The following EYA1 variants were observed in gnomAD, a reference collection of about 807,000 sequenced individuals.
The protein encoded by EYA1 is EYA transcriptional coactivator and phosphatase 1.
A neutral mutation model predicts 82.0 loss-of-function variants in EYA1; 16 were observed. The ratio of observed to expected loss-of-function variants is 0.20; its 90% CI spans 0.13 to 0.30. The LOEUF (loss-of-function observed/expected upper bound fraction) is 0.30. Ranked by LOEUF, EYA1 falls within the 10% of genes least tolerant of loss-of-function variation. The pLI, the probability that EYA1 is intolerant of heterozygous loss-of-function variation, is 1.00. For missense variants in EYA1, 633 were observed against 730.7 expected (o/e 0.87, Z 1.54); for synonymous variants, 261 against 264.4 (o/e 0.99, Z 0.12).
In EYA1 at chr8:71,448,025, T is replaced by TTTTTAGGTAACGGAG. The variant is rs935912194; in HGVS notation, c.33+87718_33+87719insCTCCGTTACCTAAAA. On this transcript the variant is annotated intron_variant, in intron 2 of 18. Coordinates refer to the EYA1 transcript ENST00000643681. Reference sequence around the variant, plus strand: ...GTTTAAGAGCTTTTTTTTTTTTTTTTTCTCGCTCCGTTGCCCAGGCTGCAG... The same window carrying TTTTTAGGTAACGGAG: ...GTTTAAGAGCTTTTTTTTTTTTTTTTTTTTAGGTAACGGAGTCTCGCTCCGTTGCCCAGGCTGCAG... Among the ~76,000 whole-genome samples the TTTTTAGGTAACGGAG allele has an allele frequency of 5.1e-5, 6 of 116,736 alleles. 1 individual carries two copies. The highest frequency in any genetic ancestry group is 1.0e-4 in the African/African-American group (3 of 29,216). The allele number at this position is 116,736 out of a possible 152,430, so 76.6% of individuals were successfully genotyped here. A position where few individuals can be genotyped will look rare whatever the true frequency, so the allele number is the denominator to read the frequency against.
chr8:71,201,947 T>C (rs1308177814), intron 17 of EYA1, among the ~76,000 whole-genome samples: 1 of 152,210 alleles, frequency 6.6e-6, no homozygotes, highest in Non-Finnish European at 1.5e-5. Flanking sequence ...GTATTTCTAT[T>C]GATCTTAAGT....
intron 2 of EYA1, among the ~76,000 whole-genome samples, chr8:71,532,393 A>G (rs772619617): frequency 6.6e-6 from 1 of 152,196 alleles, no homozygotes; most frequent in Non-Finnish European, 1.5e-5. Context: ...TCCTCAGCCC[A>G]GAGCTCTGAG....
chr8:71,382,309 C>T (rs1828748724), intron 2 of EYA1, among the ~76,000 whole-genome samples: 1 of 152,056 alleles, frequency 6.6e-6, no homozygotes, highest in African/African-American at 2.4e-5. Context: ...TATTGAATTA[C>T]TTTGCATTAC....
intron 2 of EYA1, among the ~76,000 whole-genome samples, chr8:71,474,358 T>C (rs77783326): frequency 0.012 from 1,864 of 151,996 alleles, 41 homozygotes; most frequent in African/African-American, 0.043. Flanking sequence ...GATCTAGAGG[T>C]GAGGACTGAA....
intron 12 of EYA1, among the ~76,000 whole-genome samples, chr8:71,240,758 T>G: frequency 6.6e-6 from 1 of 152,332 alleles, no homozygotes; most frequent in Middle Eastern, 3.4e-3. Context: ...TCATAAAATA[T>G]TTTCTTCTAA....
intron 2 of EYA1, among the ~76,000 whole-genome samples, chr8:71,382,295 A>G (rs1828747814): frequency 6.6e-6 from 1 of 152,188 alleles, no homozygotes; most frequent in Non-Finnish European, 1.5e-5. Flanking sequence ...ATTACTATGT[A>G]GAATATTGAA....
In EYA1 at chr8:71,385,855, C is replaced by T. The variant is rs149177127; in HGVS notation, c.34-29344G>A. On this transcript the variant is annotated intron_variant, in intron 2 of 18. Coordinates refer to the EYA1 transcript ENST00000643681. ...ATACTTAGCATTTTACTTCTGATTG[C>T]ATAAATATTCATAGGGAAACACCTA... is the stretch of plus-strand genomic sequence containing the variant. Among the ~76,000 whole-genome samples, 6 of 152,144 alleles carry T rather than the reference C, an allele frequency of 3.9e-5. No individual in the cohort carries two copies. In the East Asian group the frequency reaches 1.2e-3, roughly 29 times the overall value.
chr8:71,528,264 T>G (rs941720092), intron 2 of EYA1, among the ~76,000 whole-genome samples: 7 of 152,136 alleles, frequency 4.6e-5, no homozygotes, highest in African/African-American at 1.7e-4. Context: ...ATGGACCAAG[T>G]GAGCTACACC....
intron 12 of EYA1, among the ~76,000 whole-genome samples, chr8:71,230,092 C>G (rs965339505): frequency 3.9e-5 from 6 of 152,060 alleles, no homozygotes; most frequent in African/African-American, 1.4e-4. Flanking sequence ...GGAGAAGTCT[C>G]CAGGGACTGC....
intron 7 of EYA1, among the ~76,000 whole-genome samples, chr8:71,310,702 G>C (rs1413367250): frequency 1.3e-5 from 2 of 151,980 alleles, no homozygotes; most frequent in South Asian, 4.1e-4. Context: ...CTTTGTCTTT[G>C]CTCTTCTAAA....
chr8:71,389,613 A>C (rs555669985), intron 2 of EYA1, among the ~76,000 whole-genome samples: 1 of 152,334 alleles, frequency 6.6e-6, no homozygotes, highest in East Asian at 1.9e-4. Context: ...TCATGGAAAA[A>C]AATCTTTCTA....
chr8:71,454,506 C>G (rs182866119), intron 2 of EYA1, among the ~76,000 whole-genome samples: 165 of 152,228 alleles, frequency 1.1e-3, no homozygotes, highest in Non-Finnish European at 1.6e-3. Context: ...CAAAATTGAC[C>G]ACGAAGTTGG....
chr8:71,329,399 C>T (rs902764154), intron 4 of EYA1, among the ~76,000 whole-genome samples: 2 of 152,208 alleles, frequency 1.3e-5, no homozygotes, highest in African/African-American at 4.8e-5. Flanking sequence ...AGCCCAGCAT[C>T]TTTTCACATG....
At chr8:71,239,298 C>T (rs773531478) in intron 12 of EYA1, among the ~76,000 whole-genome samples, 4 of 152,046 alleles carry the variant, frequency 2.6e-5, no homozygotes, top group Non-Finnish European at 5.9e-5. Context: ...CTCTTGTCAA[C>T]TAAGGAAATG....
At chr8:71,341,011 T>C (rs766383953) in intron 3 of EYA1, among the ~76,000 whole-genome samples, 4 of 152,238 alleles carry the variant, frequency 2.6e-5, no homozygotes, top group Non-Finnish European at 4.4e-5. Context: ...TCTACTGATA[T>C]GCAGGCTTTG....
At chr8:71,212,000 T>TA (rs1808577802) in intron 16 of EYA1, among the ~76,000 whole-genome samples, 1 of 152,200 alleles carries the variant, frequency 6.6e-6, no homozygotes, top group South Asian at 2.1e-4. Flanking sequence ...TGTCATGACT[T>TA]AGTTTGGGCT....
chr8:71,433,771 G>A (rs1324830308), intron 2 of EYA1, among the ~76,000 whole-genome samples: 1 of 152,150 alleles, frequency 6.6e-6, no homozygotes, highest in East Asian at 1.9e-4. Flanking sequence ...AGGTCGCAGG[G>A]GCCAGATCAT....
chr8:71,231,886 A>C (rs1422508427), intron 12 of EYA1, among the ~76,000 whole-genome samples: 1 of 152,194 alleles, frequency 6.6e-6, no homozygotes, highest in African/African-American at 2.4e-5. Context: ...GGTTTGTAAG[A>C]CACAGTGAGA....
At chr8:71,522,785 T>C (rs1318085464) in intron 2 of EYA1, among the ~76,000 whole-genome samples, 2 of 152,098 alleles carry the variant, frequency 1.3e-5, no homozygotes, top group Middle Eastern at 3.4e-3. Context: ...AATGTTTTTA[T>C]TTTTTTGTAG....
Sources: gnomAD v4.1 joint callset for allele counts (sites outside exome capture counted in the v4.1 genomes callset) on GRCh38, gnomAD v4.1.1 for gene constraint, MANE v1.5 for transcripts, NCBI Gene and HGNC (gene_info 2026-07-23, HGNC 2026-07-21) for gene names.